Variants in SDK1 observed in about 807,000 individuals in gnomAD.
SDK1 encodes sidekick cell adhesion molecule 1.
Under a neutral mutation model 245.5 loss-of-function variants are expected in SDK1, and 157 were observed. That is an observed-to-expected ratio of 0.64 (90% CI 0.56 to 0.73). The LOEUF (loss-of-function observed/expected upper bound fraction) is 0.73. Ranked by LOEUF, SDK1 falls within the 30% of genes least tolerant of loss-of-function variation. The pLI is 0.00. For synonymous variants in SDK1, 1,647 were observed against 1,278.5 expected, an observed-to-expected ratio of 1.29 and a Z score of -6.15; for missense variants, 3,583 against 3,002.3, an observed-to-expected ratio of 1.19 and a Z score of -4.52.
intron 30 of SDK1, among the ~76,000 whole-genome samples, chr7:4,154,067 A>G (rs1488855153): frequency 6.6e-6 from 1 of 152,152 alleles, no homozygotes; most frequent in African/African-American, 2.4e-5. Context: ...GATGCTCAGC[A>G]CTCATCCATT....
At chr7:3,456,382 T>A (rs1423284352) in intron 1 of SDK1, among the ~76,000 whole-genome samples, 1 of 152,198 alleles carries the variant, frequency 6.6e-6, no homozygotes, top group African/African-American at 2.4e-5. Context: ...TATTACAGGC[T>A]CTGAGGTTCA....
chr7:3,366,753 TTTA>T (rs1298268539), intron 1 of SDK1, among the ~76,000 whole-genome samples: 11 of 151,186 alleles, frequency 7.3e-5, no homozygotes, highest in African/African-American at 2.2e-4. Flanking sequence ...TATTTATTTA[TTTA>T]TTTTGAGACA....
At chr7:3,431,360 T>G (rs901878700) in intron 1 of SDK1, among the ~76,000 whole-genome samples, 2 of 139,484 alleles carry the variant, frequency 1.4e-5, no homozygotes, top group South Asian at 4.4e-4. Context: ...TGTGGGAGGT[T>G]TTTTTTTTTT....
At chr7:4,214,646 A>AC (rs138508191) in intron 38 of SDK1, among the ~76,000 whole-genome samples, 5,236 of 151,790 alleles carry the variant, frequency 0.034, 295 homozygotes, top group African/African-American at 0.12. Context: ...AGCCATGCAG[A>AC]CCCCCCACGT....
intron 1 of SDK1, among the ~76,000 whole-genome samples, chr7:3,412,706 G>T (rs34077951): frequency 0.041 from 6,226 of 152,224 alleles, 202 homozygotes; most frequent in Non-Finnish European, 0.062. Context: ...TTCTCCATAG[G>T]TTGCGAGTGT....
chr7:3,456,926 G>A (rs149698277), intron 1 of SDK1, among the ~76,000 whole-genome samples: 1,583 of 152,190 alleles, frequency 0.01, 14 homozygotes, highest in Middle Eastern at 0.017. Flanking sequence ...ATTTTAGAGC[G>A]TTTGTCTTGC....
intron 4 of SDK1, among the ~76,000 whole-genome samples, chr7:3,818,752 G>A (rs890548044): frequency 6.6e-6 from 1 of 152,202 alleles, no homozygotes; most frequent in Non-Finnish European, 1.5e-5. Context: ...AGATAATGAA[G>A]GACCCAAGTG....
chr7:3,349,640 C>A (rs1260613249), intron 1 of SDK1, among the ~76,000 whole-genome samples: 2 of 152,128 alleles, frequency 1.3e-5, no homozygotes, highest in Admixed American at 6.5e-5. Context: ...GGCTCGGTCG[C>A]CCAGGCTGCA....
chr7:3,840,865 C>G (rs944091506), intron 5 of SDK1, among the ~76,000 whole-genome samples: 4 of 152,176 alleles, frequency 2.6e-5, no homozygotes, highest in African/African-American at 9.7e-5. Context: ...GGAGTGGGGT[C>G]CAGGAATCTG....
At chr7:4,151,307 C>T (rs1780364863) in intron 30 of SDK1, among the ~76,000 whole-genome samples, 1 of 152,184 alleles carries the variant, frequency 6.6e-6, no homozygotes, top group African/African-American at 2.4e-5. Flanking sequence ...TCACCCTCTG[C>T]AGTCTCATGG....
chr7:3,321,116 A>G (rs1779791792), intron 1 of SDK1, among the ~76,000 whole-genome samples: 1 of 152,258 alleles, frequency 6.6e-6, no homozygotes. Context: ...GGCTCTTGAA[A>G]TGAAAACTAC....
At chr7:3,946,864 A>G (rs1780596812) in intron 5 of SDK1, among the ~76,000 whole-genome samples, 1 of 152,192 alleles carries the variant, frequency 6.6e-6, no homozygotes, top group Admixed American at 6.5e-5. Context: ...GTAAAAGAGA[A>G]CAGTACAAAA....
chr7:4,208,285 G>T lies in SDK1; in HGVS notation c.5401G>T (p.Ala1801Ser), dbSNP rs759894038. The part of the protein sequence containing the change: ...DPQQGRTHQA[A>S]PGAPSFLAFS... ...CCAGCAGGGGCGCACCCACCAGGCCGGTAGGAGGAAGGCGGGTTTCCTTTG... is the reference window on the plus strand; with the variant it reads ...CCAGCAGGGGCGCACCCACCAGGCCTGTAGGAGGAAGGCGGGTTTCCTTTG... The change falls in exon 37 of 45, where the codon GCC becomes TCC. Residue 1801 changes from alanine to serine, a missense_variant and splice_region_variant. Coordinates refer to ENST00000404826, the MANE Select transcript of SDK1 (RefSeq NM_152744.4). 6.2e-7 allele frequency: 1 copy of T among 1,611,610 alleles called. No individual in the cohort carries two copies. Among genetic ancestry groups the T allele is most frequent in the Non-Finnish European group, 8.5e-7 (1 of 1,179,272 alleles).
chr7:3,680,134 C>G (rs1784055457), intron 4 of SDK1, among the ~76,000 whole-genome samples: 1 of 152,180 alleles, frequency 6.6e-6, no homozygotes, highest in Non-Finnish European at 1.5e-5. Flanking sequence ...ATGAACCAGG[C>G]AACGACTTGG....
At chr7:4,051,416 A>G (rs888845696) in intron 18 of SDK1, among the ~76,000 whole-genome samples, 1 of 151,542 alleles carries the variant, frequency 6.6e-6, no homozygotes, top group African/African-American at 2.4e-5. Flanking sequence ...ATTTACATAT[A>G]CAAGTATAAA....
At chr7:3,768,008 C>G (rs1780303747) in intron 4 of SDK1, among the ~76,000 whole-genome samples, 1 of 152,170 alleles carries the variant, frequency 6.6e-6, no homozygotes, top group African/African-American at 2.4e-5. Flanking sequence ...ACTTTCATCC[C>G]TGTTCACACA....
At chr7:3,651,188 A>G (rs1297797077) in intron 4 of SDK1, among the ~76,000 whole-genome samples, 1 of 150,622 alleles carries the variant, frequency 6.6e-6, no homozygotes. Context: ...CCATTTTGTA[A>G]TCCCACCAGC....
chr7:4,009,813 T>C (rs1785792996), intron 14 of SDK1, among the ~76,000 whole-genome samples: 1 of 152,240 alleles, frequency 6.6e-6, no homozygotes, highest in South Asian at 2.1e-4. Context: ...GAGTCTCATT[T>C]TCATTTTGGA....
intron 5 of SDK1, among the ~76,000 whole-genome samples, chr7:3,861,137 C>T (rs1780681916): frequency 6.6e-6 from 1 of 152,130 alleles, no homozygotes; most frequent in African/African-American, 2.4e-5. Context: ...CACAGGGAGA[C>T]ACGCGTAAGG....
Sources: gnomAD v4.1 joint callset for allele counts (sites outside exome capture counted in the v4.1 genomes callset) on GRCh38, gnomAD v4.1.1 for gene constraint, MANE v1.5 for transcripts, NCBI Gene and HGNC (gene_info 2026-07-23, HGNC 2026-07-21) for gene names.